ANKDD1B: variants seen among roughly 807,000 people sequenced by gnomAD.
ANKDD1B encodes ankyrin repeat and death domain-containing protein 1B.
Under a neutral mutation model 59.7 loss-of-function variants are expected in ANKDD1B, and 57 were observed. The observed-to-expected ratio is 0.95, with a 90% CI of 0.77 to 1.19. The LOEUF (loss-of-function observed/expected upper bound fraction) is 1.19. Ranked by LOEUF, ANKDD1B falls within the 50% of genes most tolerant of loss-of-function variation. The pLI, the probability that ANKDD1B is intolerant of heterozygous loss-of-function variation, is 0.00. For missense variants in ANKDD1B, 602 were observed against 641.9 expected (o/e 0.94, Z 0.67); for synonymous variants, 216 against 239.5 (o/e 0.90, Z 0.91).
Position 75,671,395 on chromosome 5 carries a change from A to G in ANKDD1B, c.*355A>G, listed in dbSNP as rs1393910101. Reference sequence around the variant, plus strand: ...ACAAGGGTTTTTATAATAGACAAATATGGTTTTGAACTTGGTTTTGCCACT... The same window carrying G: ...ACAAGGGTTTTTATAATAGACAAATGTGGTTTTGAACTTGGTTTTGCCACT... On this transcript the variant is annotated 3_prime_UTR_variant, in exon 14 of 14. Transcript: ENST00000601380. 4 of 160,372 alleles carry G rather than the reference A, an allele frequency of 2.5e-5. No individual in the cohort carries two copies. The highest frequency in any genetic ancestry group is 9.6e-5 in the African/African-American group (4 of 41,880). The allele number at this position is 160,372 out of a possible 1,614,324, so 9.9% of individuals were successfully genotyped here. A position where few individuals can be genotyped will look rare whatever the true frequency, so the allele number is the denominator to read the frequency against.
intron 3 of ANKDD1B, among the ~76,000 whole-genome samples, chr5:75,620,889 G>C (rs189805174): frequency 6.6e-6 from 1 of 152,254 alleles, no homozygotes; most frequent in East Asian, 1.9e-4. Flanking sequence ...ACATTTTCTA[G>C]CTCCTCACCC....
chr5:75,611,661 C>T lies in ANKDD1B; in HGVS notation c.27C>T (p.Gly9=). ...TGGACCCCGCCGGGCGCGCCCGGGG[C>T]CAAGGGGCCACGGCAGGGGGGCTGC... MDPAGRAR[G]QGATAGGLLL... The change falls in exon 1 of 14, where the codon GGC becomes GGT. Residue 9 remains glycine, a synonymous_variant. Coordinates refer to ENST00000601380, the MANE Select transcript of ANKDD1B (RefSeq NM_001276713.2). 8.1e-7 allele frequency: 1 copy of T among 1,231,500 alleles called. No homozygotes were observed. 76.3% of individuals were successfully genotyped at this position (1,231,500 alleles called of 1,614,324 possible). A position where few individuals can be genotyped will look rare whatever the true frequency, so the allele number is the denominator to read the frequency against.
chr5:75,635,326 C>A (rs578063392), intron 6 of ANKDD1B: 2 of 231,864 alleles, frequency 8.6e-6, no homozygotes, highest in Admixed American at 1.0e-4. Context: ...AGGGGAAAAC[C>A]CTGGGGTAGA....
At chr5:75,670,625 T>G (rs1775451468) in intron 13 of ANKDD1B, among the ~76,000 whole-genome samples, 1 of 152,240 alleles carries the variant, frequency 6.6e-6, no homozygotes, top group African/African-American at 2.4e-5. Context: ...GGCAGTGAGC[T>G]GCACTTTTTT....
intron 8 of ANKDD1B, among the ~76,000 whole-genome samples, chr5:75,655,042 T>C (rs1774931388): frequency 1.3e-5 from 2 of 152,124 alleles, no homozygotes. Flanking sequence ...CTTCCCTCCC[T>C]TTTCGCCCCG....
At chr5:75,651,702 C>T (rs1351698237) in intron 7 of ANKDD1B, among the ~76,000 whole-genome samples, 9 of 152,232 alleles carry the variant, frequency 5.9e-5, no homozygotes, top group Admixed American at 2.6e-4. Flanking sequence ...TAGTCCACTT[C>T]CTACTTCCTG....
At chr5:75,632,524 A>G (rs531731049) in intron 5 of ANKDD1B, among the ~76,000 whole-genome samples, 1 of 152,336 alleles carries the variant, frequency 6.6e-6, no homozygotes, top group East Asian at 1.9e-4. Context: ...ACCATCCCTG[A>G]ACCAAGCACT....
At chr5:75,613,551 C>T (rs1295364400) in intron 1 of ANKDD1B, among the ~76,000 whole-genome samples, 1 of 152,164 alleles carries the variant, frequency 6.6e-6, no homozygotes, top group East Asian at 1.9e-4. Flanking sequence ...TGTCCTATTA[C>T]TTCTGTTTTC....
intron 5 of ANKDD1B, among the ~76,000 whole-genome samples, chr5:75,633,490 G>A (rs7727341): frequency 0.028 from 4,317 of 152,138 alleles, 193 homozygotes; most frequent in African/African-American, 0.095. Flanking sequence ...AACAGTGGCC[G>A]TGATCTTTTC....
chr5:75,659,293 C>T lies in ANKDD1B; in HGVS notation c.1007C>T (p.Thr336Ile), dbSNP rs559743008. 1.3e-6 allele frequency: 2 copies of T among 1,535,474 alleles called. No individual in the cohort carries two copies. The highest frequency in any genetic ancestry group is 8.7e-7 in the Non-Finnish European group (1 of 1,146,430). Residue 336 changes from threonine (T) to isoleucine (I), a missense_variant, in exon 10 of 14, where the codon ACC becomes ATC. Thr to Ile is a moderately conservative substitution (Grantham distance 89). Around this residue, in one of 3 missense-constraint regions of ANKDD1B, gnomAD observed 280 missense variants for 319.8 expected, o/e 0.88. Coordinates refer to ENST00000601380, the MANE Select transcript of ANKDD1B (RefSeq NM_001276713.2). ...TTAATTTCATGGCAGAAGCAGCAAA[C>T]CCCTCTGCATGTAGCTGCTGATCGT... Reference protein sequence around the residue: ...DIDILNQKQQTPLHVAADRGN... With the variant: ...DIDILNQKQQIPLHVAADRGN...
intron 11 of ANKDD1B, among the ~76,000 whole-genome samples, chr5:75,666,394 G>A (rs777825132): frequency 3.3e-5 from 5 of 152,108 alleles, no homozygotes; most frequent in Non-Finnish European, 7.3e-5. Context: ...TGGGCTCACC[G>A]AAGCTTCAAT....
Position 75,659,358 on chromosome 5 carries a change from T to G in ANKDD1B, c.1072T>G (p.Cys358Gly), listed in dbSNP as rs992480416. The G allele has an allele frequency of 5.9e-6, 9 of 1,536,008 alleles. No homozygotes were observed. Among genetic ancestry groups the G allele is most frequent in the African/African-American group, 1.4e-5 (1 of 73,176 alleles). ...ELVETLLKAG[C>G]DLKAVDKQGK... ...GGTGGAAACCCTGCTGAAGGCAGGCTGTGACTTGAAGGCTGTTGACAAGGT... is the reference window on the plus strand; with the variant it reads ...GGTGGAAACCCTGCTGAAGGCAGGCGGTGACTTGAAGGCTGTTGACAAGGT... The change falls in exon 10 of 14, where the codon TGT becomes GGT. Residue 358 changes from cysteine to glycine, a missense_variant. By Grantham distance (159) the Cys-to-Gly change is radical. Coordinates refer to ENST00000601380, the MANE Select transcript of ANKDD1B (RefSeq NM_001276713.2).
intron 8 of ANKDD1B, among the ~76,000 whole-genome samples, chr5:75,654,545 TG>T (rs1414291757): frequency 5.9e-5 from 9 of 152,088 alleles, no homozygotes; most frequent in Non-Finnish European, 1.2e-4. Flanking sequence ...CCAAGCACAG[TG>T]GTGCATGCCT....
At position 75,667,005 on chromosome 5, in the gene ANKDD1B, C is replaced by T; in HGVS notation, c.1393+12C>T. On this transcript the variant is annotated intron_variant, in intron 12 of 13. Coordinates refer to ENST00000601380, the MANE Select transcript of ANKDD1B (RefSeq NM_001276713.2). ...GGAGCAGTGGTCGGGTGAGTACAGACTAGATGATGTGGGCAGGAGGAATTC... is the reference window on the plus strand; with the variant it reads ...GGAGCAGTGGTCGGGTGAGTACAGATTAGATGATGTGGGCAGGAGGAATTC... 4.2e-6 allele frequency: 6 copies of T among 1,425,572 alleles called. No individual in the cohort carries two copies. Among genetic ancestry groups the T allele is most frequent in the Non-Finnish European group, 5.5e-6 (6 of 1,091,794 alleles). The allele number at this position is 1,425,572 out of a possible 1,614,324, so 88.3% of individuals were successfully genotyped here.
chr5:75,618,059 A>G (rs77015599), intron 2 of ANKDD1B, among the ~76,000 whole-genome samples: 2,405 of 152,098 alleles, frequency 0.016, 57 homozygotes, highest in African/African-American at 0.051. Context: ...TAGATATCCT[A>G]GAATAGGAAA....
rs187747904 is a variant in ANKDD1B at position 75,612,099 on chromosome 5, G to A, written c.193+272G>A. On this transcript the variant is annotated intron_variant, in intron 1 of 13. Coordinates refer to ENST00000601380, the MANE Select transcript of ANKDD1B (RefSeq NM_001276713.2). ...GGAGGCTTTTAAAAATAATGATTAA[G>A]TCCTTTTGCAAATAAGAGTTTCATG... Among the ~76,000 whole-genome samples, 1,320 of 152,250 alleles carry A rather than the reference G, an allele frequency of 8.7e-3. 16 individuals are homozygous for A. Among genetic ancestry groups the A allele is most frequent in the Non-Finnish European group, 0.012 (833 of 68,018 alleles).
rs984748808 is a variant in ANKDD1B, at chr5:75,671,642, A to G, written c.*602A>G. ...GGAATTTATAGTCATTGTTGACTTT[A>G]AATCACACATTTTGTGTAATATATT... On this transcript the variant is annotated 3_prime_UTR_variant, in exon 14 of 14. Transcript: ENST00000601380. The G allele has an allele frequency of 2.0e-4, 31 of 152,076 alleles. No individual in the cohort carries two copies. The highest frequency in any genetic ancestry group is 7.0e-4 in the African/African-American group (29 of 41,406). 9.4% of individuals were successfully genotyped at this position (152,076 alleles called of 1,614,324 possible).
Position 75,626,026 on chromosome 5 carries a change from A to G in ANKDD1B, c.600+71A>G. 3 of 1,160,228 alleles carry G rather than the reference A, an allele frequency of 2.6e-6. No individual in the cohort carries two copies. The Admixed American group carries it at 6.0e-5, about 23-fold the overall frequency. 71.9% of individuals were successfully genotyped at this position (1,160,228 alleles called of 1,614,324 possible). On this transcript the variant is annotated intron_variant, in intron 5 of 13. Coordinates refer to ENST00000601380, the MANE Select transcript of ANKDD1B (RefSeq NM_001276713.2). ...ATTTCACTTTCTTCCTGCCTCTGGTACAGCTGTGAAAGCAGCCAGCACAGA... is the reference window on the plus strand; with the variant it reads ...ATTTCACTTTCTTCCTGCCTCTGGTGCAGCTGTGAAAGCAGCCAGCACAGA...
At chr5:75,620,111 C>A (rs1773806909) in intron 2 of ANKDD1B, among the ~76,000 whole-genome samples, 1 of 152,150 alleles carries the variant, frequency 6.6e-6, no homozygotes, top group Admixed American at 6.5e-5. Flanking sequence ...CAGTGGACTG[C>A]CAAATTCTCT....
Sources: allele counts gnomAD v4.1 joint callset (sites outside exome capture counted in the v4.1 genomes callset), GRCh38; gene constraint gnomAD v4.1.1; regional missense constraint gnomAD v4.1.1; transcripts MANE v1.5; gene names NCBI Gene and HGNC (gene_info 2026-07-23, HGNC 2026-07-21).